UAP1: variants seen among roughly 807,000 people sequenced by gnomAD.
The protein encoded by UAP1 is UDP-N-acetylglucosamine pyrophosphorylase 1, also known as UDP-N-acetylhexosamine pyrophosphorylase.
UAP1 carries 25 observed loss-of-function variants against 58.5 expected under a neutral mutation model. The observed-to-expected ratio is 0.43, with a 90% CI of 0.31 to 0.60. The LOEUF (loss-of-function observed/expected upper bound fraction) is 0.60. Ranked by LOEUF, UAP1 falls within the 20% of genes least tolerant of loss-of-function variation. The pLI, the probability that UAP1 is intolerant of heterozygous loss-of-function variation, is 0.11. For synonymous variants in UAP1, 208 were observed against 213.0 expected (o/e 0.98, Z 0.21); for missense variants, 575 against 630.0 (o/e 0.91, Z 0.93).
intron 2 of UAP1, among the ~76,000 whole-genome samples, chr1:162,576,165 C>G (rs1048616605): frequency 6.6e-6 from 1 of 152,176 alleles, no homozygotes; most frequent in Non-Finnish European, 1.5e-5. Context: ...TACTACTTTC[C>G]TAACTGAAGA....
At chr1:162,578,540 T>C (rs1239228584) in intron 3 of UAP1, among the ~76,000 whole-genome samples, 2 of 152,212 alleles carry the variant, frequency 1.3e-5, no homozygotes, top group Non-Finnish European at 2.9e-5. Flanking sequence ...TGGCCAACAT[T>C]CTACTTACAG....
intron 8 of UAP1, 129 bp from the exon 9 acceptor site, chr1:162,592,603 G>A (rs1655381632): frequency 1.4e-6 from 1 of 690,850 alleles, no homozygotes; most frequent in Admixed American, 2.5e-5. Context: ...CCCCCTTTTG[G>A]TCTCTTGGGA....
chr1:162,583,300 C>T (rs1654714371), intron 5 of UAP1, among the ~76,000 whole-genome samples: 1 of 151,410 alleles, frequency 6.6e-6, no homozygotes, highest in Admixed American at 6.6e-5. Flanking sequence ...TTATAGGCAC[C>T]CACCACCAGG....
At chr1:162,594,246 G>T (rs982481014) in intron 9 of UAP1, among the ~76,000 whole-genome samples, 8 of 152,184 alleles carry the variant, frequency 5.3e-5, no homozygotes, top group African/African-American at 1.9e-4. Flanking sequence ...GATGATGGGA[G>T]ACATCATCAG....
Position 162,583,249 on chromosome 1 carries a change from T to C in UAP1, c.834+1790T>C, listed in dbSNP as rs568413290. Among the ~76,000 whole-genome samples, 10 of 143,604 alleles carry C rather than the reference T, an allele frequency of 7.0e-5. No individual in the cohort carries two copies. In the South Asian group the frequency reaches 1.8e-3, roughly 26 times the overall value. 94.2% of individuals were successfully genotyped at this position (143,604 alleles called of 152,430 possible). The stretch of plus-strand genomic sequence containing the variant: ...CTCACTGCAACCTCCGTCTCCCAGG[T>C]TCAAGCAATTCTCCTGCCTCAGCCT... On this transcript the variant is annotated intron_variant, in intron 5 of 10. Transcript: ENST00000271469.
At chr1:162,570,019 G>T (rs907337630) in intron 2 of UAP1, among the ~76,000 whole-genome samples, 1 of 152,038 alleles carries the variant, frequency 6.6e-6, no homozygotes, top group Non-Finnish European at 1.5e-5. Context: ...TGTGGTGGCA[G>T]GTGCTTGTAG....
At chr1:162,592,648 A>C (rs1333695623) in intron 8 of UAP1, 84 bp from the exon 9 acceptor site, 1 of 1,002,506 alleles carries the variant, frequency 1.0e-6, no homozygotes, top group African/African-American at 1.6e-5. Flanking sequence ...CATACCATTC[A>C]ATCAAGTATA....
At chr1:162,601,081 TA>T (rs1486078073), downstream of UAP1, among the ~76,000 whole-genome samples, 20 of 152,272 alleles carry the variant, frequency 1.3e-4, no homozygotes, top group African/African-American at 4.8e-4. Context: ...ATTGGGTAGT[TA>T]AGAGCAAACT....
At chr1:162,577,145 TGATA>T (rs147550642) in intron 3 of UAP1, among the ~76,000 whole-genome samples, 164 bp downstream of exon 3, 1 of 152,322 alleles carries the variant, frequency 6.6e-6, no homozygotes, top group African/African-American at 2.4e-5. Flanking sequence ...TATTATTGCT[TGATA>T]GATGACCACT....
At chr1:162,592,685 G>GT in intron 8 of UAP1, 47 bp from the exon 9 acceptor site, 1 of 1,396,388 alleles carries the variant, frequency 7.2e-7, no homozygotes, top group South Asian at 1.2e-5. Flanking sequence ...CATTGTTATT[G>GT]TTTGATTTGC....
At chr1:162,581,066 T>C (rs959559602) in intron 4 of UAP1, among the ~76,000 whole-genome samples, 2 of 152,216 alleles carry the variant, frequency 1.3e-5, no homozygotes, top group Non-Finnish European at 2.9e-5. Context: ...TGATCTTACA[T>C]TGATAGTGTT....
At chr1:162,583,407 C>T (rs748547955) in intron 5 of UAP1, among the ~76,000 whole-genome samples, 45 of 152,010 alleles carry the variant, frequency 3.0e-4, no homozygotes, top group Non-Finnish European at 4.9e-4. Flanking sequence ...CACACCTCAG[C>T]CTCCCAAAGT....
intron 1 of UAP1, among the ~76,000 whole-genome samples, chr1:162,563,368 T>TA (rs1557961430): frequency 3.3e-5 from 5 of 151,952 alleles, no homozygotes; most frequent in Non-Finnish European, 7.4e-5. Flanking sequence ...TTTTTTTTTT[T>TA]ATTTTTATTT....
chr1:162,567,097 A>T (rs774669294), intron 2 of UAP1, among the ~76,000 whole-genome samples: 11 of 152,100 alleles, frequency 7.2e-5, no homozygotes, highest in Non-Finnish European at 1.5e-4. Context: ...TTCTCTACCT[A>T]GCTAGGTCAC....
At chr1:162,562,381 T>A (rs1653204570) in intron 1 of UAP1, 1 of 152,010 alleles carries the variant, frequency 6.6e-6, no homozygotes, top group South Asian at 2.1e-4. Flanking sequence ...TGCTTGCCAC[T>A]TTTTTCTTTC....
At chr1:162,599,567 T>G in exon 11 of UAP1, 1 of 402,154 alleles carries the variant, frequency 2.5e-6, no homozygotes, top group South Asian at 5.4e-5. Flanking sequence ...TCCCAACTCA[T>G]TGAAGGTCTT....
At chr1:162,567,601 C>T (rs1234618119) in intron 2 of UAP1, among the ~76,000 whole-genome samples, 1 of 152,170 alleles carries the variant, frequency 6.6e-6, no homozygotes, top group African/African-American at 2.4e-5. Context: ...AGTGTTGGTA[C>T]GTGATCCTTG....
In UAP1 at chr1:162,591,612, AGTAGCTGGGG is replaced by A. The variant is rs531859011; in HGVS notation, c.1358+1102_1359-1110del. On this transcript the variant is annotated intron_variant, in intron 8 of 10. Transcript: ENST00000271469. ...GTGATTCTCCTGCCTCAGCCTCCCA[AGTAGCTGGGG>A]TTACACTCGCCTGCCATAAAGCCCA... Among the ~76,000 whole-genome samples the A allele has an allele frequency of 2.7e-3, 417 of 151,864 alleles. 1 individual carries two copies. The highest frequency in any genetic ancestry group is 9.4e-3 in the African/African-American group (390 of 41,388).
chr1:162,581,871 GATGT>G (rs1654609541), intron 5 of UAP1, among the ~76,000 whole-genome samples: 1 of 152,172 alleles, frequency 6.6e-6, no homozygotes, highest in Non-Finnish European at 1.5e-5. Flanking sequence ...GGTATCTTAC[GATGT>G]TCTTTCGAAT....
Sources: allele counts gnomAD v4.1 joint callset (sites outside exome capture counted in the v4.1 genomes callset), GRCh38; gene constraint gnomAD v4.1.1; transcripts MANE v1.5; gene names NCBI Gene and HGNC (gene_info 2026-07-23, HGNC 2026-07-21).